The following TNKS variants were observed in gnomAD, a reference collection of about 807,000 sequenced individuals.
The protein encoded by TNKS is poly [ADP-ribose] polymerase tankyrase-1.
Under a neutral mutation model 135.8 loss-of-function variants are expected in TNKS, and 72 were observed. The ratio of observed to expected loss-of-function variants is 0.53; its 90% CI spans 0.44 to 0.64. The LOEUF is 0.64. Among genes scored for constraint, TNKS ranks in the 30% least tolerant of loss-of-function variants. The probability of loss-of-function intolerance (pLI) is 0.00; values close to 1 mark genes in which losing one functional copy is unlikely to be tolerated. For missense variants in TNKS, 1,769 were observed against 1,674.0 expected (o/e 1.06, Z -0.99); for synonymous variants, 849 against 649.3 (o/e 1.31, Z -4.68).
chr8:9,591,885 G>A (rs954949279), intron 2 of TNKS, among the ~76,000 whole-genome samples: 6 of 152,228 alleles, frequency 3.9e-5, no homozygotes, highest in Admixed American at 1.3e-4. Flanking sequence ...TAACATTATC[G>A]TTTTAATTAC....
intron 3 of TNKS, among the ~76,000 whole-genome samples, chr8:9,617,794 G>A (rs1799699347): frequency 6.6e-6 from 1 of 152,048 alleles, no homozygotes; most frequent in Non-Finnish European, 1.5e-5. Flanking sequence ...TGCAATTGTA[G>A]TACCCTTACT....
At chr8:9,590,725 A>G (rs1798561168) in intron 2 of TNKS, among the ~76,000 whole-genome samples, 1 of 152,164 alleles carries the variant, frequency 6.6e-6, no homozygotes, top group Non-Finnish European at 1.5e-5. Context: ...TCTTTGGGGA[A>G]ATGTCTATTC....
At chr8:9,713,105 C>G (rs912286094) in intron 11 of TNKS, among the ~76,000 whole-genome samples, 1 of 151,998 alleles carries the variant, frequency 6.6e-6, no homozygotes, top group African/African-American at 2.4e-5. Flanking sequence ...TAAAATGGCA[C>G]TTTATGTTTT....
At chr8:9,740,772 T>G (rs1375289110) in intron 17 of TNKS, 1 of 151,484 alleles carries the variant, frequency 6.6e-6, no homozygotes, top group Admixed American at 6.6e-5. Flanking sequence ...AGACTTAGCA[T>G]GCTAAATATT....
chr8:9,742,911 T>G (rs1249381436), intron 17 of TNKS, among the ~76,000 whole-genome samples: 6 of 151,966 alleles, frequency 3.9e-5, no homozygotes, highest in Non-Finnish European at 8.8e-5. Context: ...CTACTTTGTC[T>G]CCCCTTAAGA....
At chr8:9,751,531 GTATT>G in intron 18 of TNKS, 74 bp from the exon 19 acceptor site, 1 of 1,347,988 alleles carries the variant, frequency 7.4e-7, no homozygotes, top group African/African-American at 1.5e-5. Flanking sequence ...AATCCACAAA[GTATT>G]TGGTTATCAG....
chr8:9,680,930 A>T (rs1802755759), intron 5 of TNKS, 130 bp downstream of exon 5: 1 of 612,702 alleles, frequency 1.6e-6, no homozygotes, highest in African/African-American at 1.8e-5. Context: ...TGTAAATGAA[A>T]TGCTACTATA....
At chr8:9,600,170 A>C (rs1275773423) in intron 2 of TNKS, among the ~76,000 whole-genome samples, 1 of 152,248 alleles carries the variant, frequency 6.6e-6, no homozygotes, top group Non-Finnish European at 1.5e-5. Flanking sequence ...TAATGGCAGC[A>C]GAACTGGTAT....
At chr8:9,580,620 A>G (rs1219862596) in intron 2 of TNKS, among the ~76,000 whole-genome samples, 1 of 152,206 alleles carries the variant, frequency 6.6e-6, no homozygotes, top group Non-Finnish European at 1.5e-5. Context: ...ACTCAATTTT[A>G]ATGGATTACT....
At chr8:9,659,445 T>G (rs1339520026) in intron 3 of TNKS, among the ~76,000 whole-genome samples, 1 of 151,970 alleles carries the variant, frequency 6.6e-6, no homozygotes, top group Non-Finnish European at 1.5e-5. Context: ...TCAAAACTAC[T>G]CAACTACATG....
intron 9 of TNKS, among the ~76,000 whole-genome samples, chr8:9,708,698 A>G (rs1281098774): frequency 6.6e-6 from 1 of 152,116 alleles, no homozygotes; most frequent in African/African-American, 2.4e-5. Context: ...CTCAACCTCA[A>G]TTTGGAAATT....
intron 26 of TNKS, among the ~76,000 whole-genome samples, chr8:9,771,041 T>G (rs1408419497): frequency 6.6e-6 from 1 of 152,108 alleles, no homozygotes; most frequent in African/African-American, 2.4e-5. Context: ...ATCTCATGGT[T>G]TCTAACGTGT....
chr8:9,690,122 GA>G (rs1803195222), intron 5 of TNKS, among the ~76,000 whole-genome samples: 1 of 152,150 alleles, frequency 6.6e-6, no homozygotes, highest in Non-Finnish European at 1.5e-5. Context: ...ATTCGATGAT[GA>G]AAACCTAATG....
intron 20 of TNKS, among the ~76,000 whole-genome samples, chr8:9,758,036 G>T (rs909713711): frequency 1.3e-5 from 2 of 152,114 alleles, no homozygotes; most frequent in Admixed American, 1.3e-4. Flanking sequence ...TATAAACAGG[G>T]AAAAGACAGA....
chr8:9,708,056 A>G (rs4529464), intron 8 of TNKS, among the ~76,000 whole-genome samples: 13,697 of 152,192 alleles, frequency 0.09, 663 homozygotes, highest in South Asian at 0.18. Context: ...GCATATGTGC[A>G]CACAAATTAT....
intron 2 of TNKS, among the ~76,000 whole-genome samples, chr8:9,601,936 C>T (rs1038707490): frequency 1.4e-4 from 22 of 151,970 alleles, no homozygotes; most frequent in African/African-American, 3.1e-4. Context: ...TTCAGAGGCC[C>T]GGGAGAAGCC....
chr8:9,627,268 A>G (rs1490838092), intron 3 of TNKS, among the ~76,000 whole-genome samples: 1 of 152,228 alleles, frequency 6.6e-6, no homozygotes, highest in East Asian at 1.9e-4. Context: ...TAAATGCTTT[A>G]TAATAAACCA....
In TNKS at chr8:9,571,116, C is replaced by T. The variant is rs185349490; in HGVS notation, c.674-9043C>T. Among the ~76,000 whole-genome samples, 188 of 152,192 alleles carry T rather than the reference C, an allele frequency of 1.2e-3. 1 individual carries two copies. Among genetic ancestry groups the T allele is most frequent in the African/African-American group, 4.2e-3 (176 of 41,502 alleles). ...TTGTACTATGTTTAACCTTTTCCTC[C>T]CTACTGTGGCCTTAAGAGTAATTTC... On this transcript the variant is annotated intron_variant, in intron 1 of 26. Transcript: ENST00000310430.
intron 3 of TNKS, among the ~76,000 whole-genome samples, chr8:9,620,207 A>C (rs1039201068): frequency 2.6e-5 from 4 of 152,100 alleles, no homozygotes; most frequent in Admixed American, 2.0e-4. Context: ...TTGGCCTCCC[A>C]AAGTGCCGGG....
Sources: allele counts gnomAD v4.1 joint callset (sites outside exome capture counted in the v4.1 genomes callset), GRCh38; gene constraint gnomAD v4.1.1; transcripts MANE v1.5; gene names NCBI Gene and HGNC (gene_info 2026-07-23, HGNC 2026-07-21).